Variants in RASGRF1 observed in about 807,000 individuals in gnomAD.
RASGRF1 encodes ras-specific guanine nucleotide-releasing factor 1.
Under a neutral mutation model 138.7 loss-of-function variants are expected in RASGRF1, and 40 were observed. The ratio of observed to expected loss-of-function variants is 0.29; its 90% CI spans 0.22 to 0.38. The LOEUF (loss-of-function observed/expected upper bound fraction) is 0.38. RASGRF1 is among the 10% of genes least tolerant of loss of function. The pLI, the probability that RASGRF1 is intolerant of heterozygous loss-of-function variation, is 1.00. For missense variants in RASGRF1, 1,108 were observed against 1,650.4 expected, an observed-to-expected ratio of 0.67 and a Z score of 5.69; for synonymous variants, 614 against 663.2, an observed-to-expected ratio of 0.93 and a Z score of 1.14.
At chr15:79,021,726 C>T (rs977827991) in intron 10 of RASGRF1, among the ~76,000 whole-genome samples, 2 of 152,168 alleles carry the variant, frequency 1.3e-5, no homozygotes, top group South Asian at 4.2e-4. Context: ...AGCCCTGCCA[C>T]GTGCTGGCTT....
Position 78,973,428 on chromosome 15 carries a change from G to A in RASGRF1, c.3495-8C>T. The stretch of plus-strand genomic sequence containing the variant: ...ACACAGGGTGGGTCACAACTTGGAA[G>A]CAAACGGCATTAACACAAGTTTTTC... On this transcript the variant is annotated splice_polypyrimidine_tract_variant and splice_region_variant and intron_variant, in intron 24 of 26. Transcript: ENST00000558480. The surrounding 1 kb of genome is among the most constrained non-coding windows in gnomAD (Gnocchi z 4.9). 6.4e-7 allele frequency: 1 copy of A among 1,572,714 alleles called. No homozygotes were observed. Among genetic ancestry groups the A allele is most frequent in the Non-Finnish European group, 8.7e-7 (1 of 1,147,038 alleles).
chr15:79,023,999 GACAC>G (rs564030006), intron 10 of RASGRF1, among the ~76,000 whole-genome samples: 1 of 141,684 alleles, frequency 7.1e-6, no homozygotes, highest in African/African-American at 2.7e-5. Flanking sequence ...CTCACACATA[GACAC>G]ACACAGATAC....
intron 12 of RASGRF1, among the ~76,000 whole-genome samples, chr15:79,016,261 G>A (rs866699923): frequency 1.3e-5 from 2 of 152,214 alleles, no homozygotes; most frequent in South Asian, 2.1e-4. Context: ...TTGGGAAGTG[G>A]CAGCTGAGAG....
In RASGRF1 at chr15:79,002,245, C is replaced by T. The variant is rs559242848; in HGVS notation, c.2450-458G>A. On this transcript the variant is annotated intron_variant, in intron 15 of 26. Transcript: ENST00000558480. ...TTTTCCTCTGCTTTTAACCTATTGCCGCGTGCCCCTGGTCACTCTTAAAAT... is the reference window on the plus strand; with the variant it reads ...TTTTCCTCTGCTTTTAACCTATTGCTGCGTGCCCCTGGTCACTCTTAAAAT... Among the ~76,000 whole-genome samples the T allele has an allele frequency of 4.3e-4, 66 of 152,222 alleles. 1 individual carries two copies. Among genetic ancestry groups the T allele is most frequent in the Non-Finnish European group, 5.6e-4 (38 of 68,010 alleles).
chr15:79,086,771 T>G (rs1007877055), intron 1 of RASGRF1, among the ~76,000 whole-genome samples: 1 of 152,200 alleles, frequency 6.6e-6, no homozygotes, highest in South Asian at 2.1e-4. Flanking sequence ...AAGCTGGGGC[T>G]GGACATTTTA....
intron 26 of RASGRF1, among the ~76,000 whole-genome samples, chr15:78,964,500 C>A (rs1479953377): frequency 6.6e-6 from 1 of 152,038 alleles, no homozygotes; most frequent in Non-Finnish European, 1.5e-5. Context: ...TATTGCACAT[C>A]AAAGTTTAAG....
intron 23 of RASGRF1, among the ~76,000 whole-genome samples, chr15:78,982,973 C>T (rs1001778781): frequency 8.5e-5 from 13 of 152,126 alleles, no homozygotes; most frequent in South Asian, 4.1e-4. Flanking sequence ...AACTGCCTGA[C>T]GCTTGCCAGG....
chr15:79,000,791 G>A (rs2056504571), intron 16 of RASGRF1, among the ~76,000 whole-genome samples: 1 of 152,206 alleles, frequency 6.6e-6, no homozygotes, highest in Non-Finnish European at 1.5e-5. Context: ...CATGAGCTCT[G>A]TTTCTGTGTG....
intron 15 of RASGRF1, among the ~76,000 whole-genome samples, chr15:79,002,408 C>T (rs1208839957): frequency 6.6e-6 from 1 of 152,162 alleles, no homozygotes; most frequent in Non-Finnish European, 1.5e-5. Flanking sequence ...CTCTTAACTG[C>T]TCTGGGCCTC....
intron 21 of RASGRF1, among the ~76,000 whole-genome samples, chr15:78,990,505 T>C (rs145327616): frequency 1.3e-3 from 195 of 152,310 alleles, no homozygotes; most frequent in African/African-American, 4.5e-3. Context: ...AGTTTCCTTA[T>C]CTGTAAAATG....
At chr15:79,017,183 C>T (rs984045476) in intron 12 of RASGRF1, among the ~76,000 whole-genome samples, 4 of 152,246 alleles carry the variant, frequency 2.6e-5, no homozygotes, top group Non-Finnish European at 5.9e-5. Context: ...TCTGTGCTTC[C>T]TGCTTAATGC....
Position 78,998,090 on chromosome 15 carries a change from C to T in RASGRF1, c.2966+6G>A. 6.2e-7 allele frequency: 1 copy of T among 1,611,068 alleles called. No homozygotes were observed. The highest frequency in any genetic ancestry group is 8.5e-7 in the Non-Finnish European group (1 of 1,177,202). The stretch of plus-strand genomic sequence containing the variant: ...TTCTGAGCCAGGAACCAGGTACTGC[C>T]TTTACCTGATGATGTTGGCTGCAGC... On this transcript the variant is annotated splice_donor_region_variant and intron_variant, in intron 19 of 26. Coordinates refer to ENST00000558480, the MANE Select transcript of RASGRF1 (RefSeq NM_001145648.3).
chr15:78,985,493 T>TA, intron 22 of RASGRF1: 1 of 286,162 alleles, frequency 3.5e-6, no homozygotes, highest in Non-Finnish European at 6.6e-6. Flanking sequence ...GAGAACTATG[T>TA]AGGATGGAAA....
At position 79,027,867 on chromosome 15, in the gene RASGRF1, G is replaced by T; in HGVS notation, c.1263-8C>A. Reference sequence around the variant, plus strand: ...ACTTCATCGTGCATTATTCTGTGGGGATGGGAAACTGCACAGTCAGAGACA... The same window carrying T: ...ACTTCATCGTGCATTATTCTGTGGGTATGGGAAACTGCACAGTCAGAGACA... On this transcript the variant is annotated splice_region_variant and splice_polypyrimidine_tract_variant and intron_variant, in intron 8 of 26. Transcript: ENST00000558480. The surrounding 1 kb of genome is among the most constrained non-coding windows in gnomAD (Gnocchi z 4.8). 6.2e-7 allele frequency: 1 copy of T among 1,613,894 alleles called. No homozygotes were observed. The highest frequency in any genetic ancestry group is 8.5e-7 in the Non-Finnish European group (1 of 1,179,760).
At position 79,003,845 on chromosome 15, in the gene RASGRF1, C is replaced by T. The variant is rs373315071; in HGVS notation, c.2406G>A (p.Thr802=). 6.2e-6 allele frequency: 10 copies of T among 1,612,670 alleles called. No homozygotes were observed. Among genetic ancestry groups the T allele is most frequent in the African/African-American group, 1.3e-5 (1 of 75,012 alleles). Residue 802 remains threonine, a synonymous_variant, in exon 15 of 27, where the codon ACG becomes ACA. Transcript: ENST00000558480. ...FTNKIPDEGD[T]TPEKPEDPSA... ...AAGGGTCTTCGGGCTTCTCAGGGGTCGTATCGCCCTCATCTGGAATCTTGT... is the reference window on the plus strand; with the variant it reads ...AAGGGTCTTCGGGCTTCTCAGGGGTTGTATCGCCCTCATCTGGAATCTTGT...
chr15:79,087,179 C>T (rs190783613), intron 1 of RASGRF1, among the ~76,000 whole-genome samples: 6 of 152,328 alleles, frequency 3.9e-5, no homozygotes, highest in East Asian at 1.9e-4. Flanking sequence ...TTGCATATCC[C>T]GCTATTAGAG....
In RASGRF1 at chr15:79,050,518, C is replaced by A. The variant is rs2057417049; in HGVS notation, c.532-930G>T. Among the ~76,000 whole-genome samples the A allele has an allele frequency of 6.6e-6, 1 of 152,200 alleles. No homozygotes were observed. The stretch of plus-strand genomic sequence containing the variant: ...GCTTGGCGCTTTCCTTCCTGGGCAG[C>A]CCCAAAGCACCTCTTAGAATCAGAG... On this transcript the variant is annotated intron_variant, in intron 3 of 26. Coordinates refer to ENST00000558480, the MANE Select transcript of RASGRF1 (RefSeq NM_001145648.3). The surrounding 1 kb of genome is among the most constrained non-coding windows in gnomAD (Gnocchi z 4.1).
intron 8 of RASGRF1, among the ~76,000 whole-genome samples, chr15:79,028,437 G>C (rs1036326542): frequency 2.6e-5 from 4 of 152,148 alleles, no homozygotes; most frequent in African/African-American, 9.7e-5. Flanking sequence ...TGGCTCAGGG[G>C]ATGACTGACC....
chr15:79,012,223 T>C (rs2056810091), intron 13 of RASGRF1, among the ~76,000 whole-genome samples: 1 of 152,140 alleles, frequency 6.6e-6, no homozygotes, highest in South Asian at 2.1e-4. Context: ...TCCGAACCTA[T>C]GTTCATGCTG....
Sources: gnomAD v4.1 joint callset for allele counts (sites outside exome capture counted in the v4.1 genomes callset) on GRCh38, gnomAD v4.1.1 for gene constraint, Gnocchi (gnomAD v3.1) non-coding constraint, MANE v1.5 for transcripts, NCBI Gene and HGNC (gene_info 2026-07-23, HGNC 2026-07-21) for gene names.